Variants in RAB22A observed in about 807,000 individuals in gnomAD.
RAB22A encodes RAB22A, member RAS oncogene family, also known as ras-related protein Rab-22A.
Under a neutral mutation model 30.2 loss-of-function variants are expected in RAB22A, and 13 were observed. That is an observed-to-expected ratio of 0.43 (90% CI 0.28 to 0.68). The LOEUF (loss-of-function observed/expected upper bound fraction) is 0.68, where lower values mean the gene tolerates loss of function less well. Among genes scored for constraint, RAB22A ranks in the 30% least tolerant of loss-of-function variants. The pLI, the probability that RAB22A is intolerant of heterozygous loss-of-function variation, is 0.18. For synonymous variants in RAB22A, 89 were observed against 87.2 expected, an observed-to-expected ratio of 1.02 and a Z score of -0.11; for missense variants, 177 against 246.8, an observed-to-expected ratio of 0.72 and a Z score of 1.89.
At chr20:58,342,648 CAAAA>C (rs10709063) in intron 2 of RAB22A, among the ~76,000 whole-genome samples, 12 of 124,028 alleles carry the variant, frequency 9.7e-5, no homozygotes, top group Admixed American at 8.2e-5. Context: ...TACAATTTGG[CAAAA>C]AAAAAAAAAA....
intron 2 of RAB22A, among the ~76,000 whole-genome samples, chr20:58,340,805 A>G (rs1300237597): frequency 2.6e-5 from 4 of 152,192 alleles, no homozygotes; most frequent in African/African-American, 9.7e-5. Flanking sequence ...GGTGGGGTAG[A>G]TGGCACAGGT....
chr20:58,333,111 C>G (rs1247371839), intron 2 of RAB22A, among the ~76,000 whole-genome samples: 1 of 151,864 alleles, frequency 6.6e-6, no homozygotes, highest in Non-Finnish European at 1.5e-5. Flanking sequence ...AAAACCCTGT[C>G]TCTACTAAAA....
Position 58,343,817 on chromosome 20 carries a change from T to C in RAB22A, c.198+18T>C. ...AAGAACGAGTAAGTCACTCTTTAAT[T>C]TACTCTGTTTTTCTGAGGCCCAAAT... is the stretch of plus-strand genomic sequence containing the variant. On this transcript the variant is annotated intron_variant, in intron 3 of 6. Coordinates refer to ENST00000244040, the MANE Select transcript of RAB22A (RefSeq NM_020673.3). 1.9e-6 allele frequency: 3 copies of C among 1,569,194 alleles called. No homozygotes were observed. Among genetic ancestry groups the C allele is most frequent in the Non-Finnish European group, 2.6e-6 (3 of 1,139,818 alleles).
intron 2 of RAB22A, among the ~76,000 whole-genome samples, chr20:58,312,907 G>T (rs1014814486): frequency 9.9e-5 from 15 of 152,124 alleles, no homozygotes; most frequent in Admixed American, 7.9e-4. Context: ...GAAAGAGCTG[G>T]GTATGACACA....
At chr20:58,359,492 A>G (rs1260631485) in intron 6 of RAB22A, 114 bp from the exon 7 acceptor site, 2 of 661,956 alleles carry the variant, frequency 3.0e-6, no homozygotes, top group Non-Finnish European at 4.8e-6. Flanking sequence ...AAAGTTTATT[A>G]AACTTTTTTT....
chr20:58,323,522 T>G (rs1185280930), intron 2 of RAB22A, among the ~76,000 whole-genome samples: 3 of 152,108 alleles, frequency 2.0e-5, no homozygotes, highest in Non-Finnish European at 2.9e-5. Context: ...ATACTAGGTA[T>G]TATCCTAATC....
At chr20:58,319,886 ATTC>A (rs1219815283) in intron 2 of RAB22A, among the ~76,000 whole-genome samples, 2 of 152,156 alleles carry the variant, frequency 1.3e-5, no homozygotes, top group African/African-American at 4.8e-5. Context: ...AGCTGTTCAT[ATTC>A]TTTTTCTTTC....
intron 6 of RAB22A, among the ~76,000 whole-genome samples, chr20:58,357,961 G>A (rs982919620): frequency 2.0e-5 from 3 of 152,202 alleles, no homozygotes; most frequent in African/African-American, 7.2e-5. Flanking sequence ...GTGCTGATAA[G>A]ATACTGGAAA....
At position 58,356,552 on chromosome 20, in the gene RAB22A, G is replaced by A. The variant is rs1034477168; in HGVS notation, c.487+2287G>A. On this transcript the variant is annotated intron_variant, in intron 6 of 6. Transcript: ENST00000244040. ...ATAATAGACATACAGAAATGTGCAC[G>A]TATCAGAAGTATAAGGCTCAGTGAA... Among the ~76,000 whole-genome samples the A allele has an allele frequency of 3.3e-5, 5 of 152,294 alleles. 1 individual carries two copies. The highest frequency in any genetic ancestry group is 2.0e-4 in the Admixed American group (3 of 15,304).
In RAB22A at chr20:58,310,030, C is replaced by G. The variant is rs1186715365; in HGVS notation, c.36+18C>G. 1.0e-5 allele frequency: 13 copies of G among 1,267,250 alleles called. No homozygotes were observed. The African/African-American group carries it at 1.7e-4, about 17-fold the overall frequency. 78.5% of individuals were successfully genotyped at this position (1,267,250 alleles called of 1,614,324 possible). On this transcript the variant is annotated intron_variant, in intron 1 of 6. Transcript: ENST00000244040. ...TGCTCGGGGTGAGTGGCGGCGGGTC[C>G]GGCCGGGAGGGCCACGGGAGGCTGG...
At chr20:58,329,424 T>C (rs2063660436) in intron 2 of RAB22A, among the ~76,000 whole-genome samples, 2 of 152,232 alleles carry the variant, frequency 1.3e-5, no homozygotes, top group Admixed American at 6.5e-5. Context: ...CACTTTACTG[T>C]GTCATTCTGT....
chr20:58,310,236 C>G (rs924680774), intron 1 of RAB22A, among the ~76,000 whole-genome samples: 1 of 152,148 alleles, frequency 6.6e-6, no homozygotes, highest in Non-Finnish European at 1.5e-5. Flanking sequence ...CCCTGGAGCC[C>G]GTGGACTCTT....
At chr20:58,310,112 C>G (rs1002480252) in intron 1 of RAB22A, 100 bp downstream of exon 1, 1 of 1,144,272 alleles carries the variant, frequency 8.7e-7, no homozygotes, top group Non-Finnish European at 1.1e-6. Context: ...CTCCCACGTC[C>G]AAGACGCTGT....
intron 2 of RAB22A, among the ~76,000 whole-genome samples, chr20:58,326,555 G>T (rs918752435): frequency 2.0e-5 from 3 of 151,954 alleles, no homozygotes; most frequent in African/African-American, 7.3e-5. Context: ...ACCATAATTT[G>T]TCTATTCCTC....
At chr20:58,328,276 G>A (rs1986602666) in intron 2 of RAB22A, among the ~76,000 whole-genome samples, 1 of 151,970 alleles carries the variant, frequency 6.6e-6, no homozygotes, top group African/African-American at 2.4e-5. Context: ...CAACCCCCCA[G>A]GCTCAAGCGA....
intron 6 of RAB22A, among the ~76,000 whole-genome samples, chr20:58,358,663 G>A (rs1182249854): frequency 6.6e-6 from 1 of 152,192 alleles, no homozygotes; most frequent in Non-Finnish European, 1.5e-5. Flanking sequence ...GGGAGGCTAA[G>A]GCAAGCAGAT....
chr20:58,324,058 C>T (rs73915830), intron 2 of RAB22A, among the ~76,000 whole-genome samples: 258 of 152,128 alleles, frequency 1.7e-3, no homozygotes, highest in African/African-American at 6.0e-3. Context: ...TTATAATGTG[C>T]ATGTCAGATT....
At position 58,354,231 on chromosome 20, in the gene RAB22A, C is replaced by T. The variant is rs187739228; in HGVS notation, c.453C>T (p.Asn151=). The T allele has an allele frequency of 9.3e-6, 15 of 1,613,512 alleles. No homozygotes were observed. The highest frequency in any genetic ancestry group is 5.3e-5 in the African/African-American group (4 of 75,038). The change falls in exon 6 of 7, where the codon AAC becomes AAT. Residue 151 remains asparagine, a synonymous_variant. Coordinates refer to ENST00000244040, the MANE Select transcript of RAB22A (RefSeq NM_020673.3). ...TTTTTGTAGAGACCAGCGCAAAAAA[C>T]GCGATAAACATAAATGAACTCTTTA... is the stretch of plus-strand genomic sequence containing the variant. ...HAIFVETSAK[N]AININELFIE... is the part of the protein sequence containing the mutation.
intron 1 of RAB22A, among the ~76,000 whole-genome samples, 178 bp from the exon 2 acceptor site, chr20:58,310,865 T>A (rs1986210905): frequency 6.6e-6 from 1 of 152,256 alleles, no homozygotes; most frequent in African/African-American, 2.4e-5. Context: ...TTAGTACAGT[T>A]GGAATTTCCT....
Sources: allele counts gnomAD v4.1 joint callset (sites outside exome capture counted in the v4.1 genomes callset), GRCh38; gene constraint gnomAD v4.1.1; transcripts MANE v1.5; gene names NCBI Gene and HGNC (gene_info 2026-07-23, HGNC 2026-07-21).